The following IRAG2 variants were observed in gnomAD, a reference collection of about 807,000 sequenced individuals.
IRAG2 encodes the protein lymphoid restricted membrane protein.
In IRAG2, 45 loss-of-function variants were observed where a neutral mutation model predicts 69.9. The ratio of observed to expected loss-of-function variants is 0.64; its 90% CI spans 0.51 to 0.83. The LOEUF (loss-of-function observed/expected upper bound fraction) is 0.83. IRAG2 is among the 40% of genes least tolerant of loss of function. The pLI, the probability that IRAG2 is intolerant of heterozygous loss-of-function variation, is 0.00. For missense variants in IRAG2, 520 were observed against 587.0 expected (o/e 0.89, Z 1.18); for synonymous variants, 193 against 202.4 (o/e 0.95, Z 0.40).
chr12:24,999,266 A>G, the IRAG2 span, among the ~76,000 whole-genome samples: 2 of 152,240 alleles, frequency 1.3e-5, no homozygotes, highest in East Asian at 1.9e-4. Context: ...ACTGGTGGTG[A>G]AAATCAAATA....
At chr12:25,017,058 GT>G in intron 5 of IRAG2, 1 of 1,142,730 alleles carries the variant, frequency 8.8e-7, no homozygotes, top group South Asian at 4.6e-5. Flanking sequence ...AGTTTGGTTT[GT>G]TTAACCGTAT....
rs1305815191 is a variant in IRAG2 at position 25,089,675 on chromosome 12, G to A, written c.435G>A (p.Glu145=). Residue 145 remains glutamate, a splice_region_variant and synonymous_variant, in exon 12 of 22, where the codon GAG becomes GAA. Coordinates refer to ENST00000556887, the MANE Select transcript of IRAG2 (RefSeq NM_001366544.2). The stretch of plus-strand genomic sequence containing the variant: ...AATCGGTTAACCTTAGACAAAGTGA[G>A]AAGTAAGTGCTTCTTCATGTAGCAT... ...TVKSVNLRQS[E]NTSANEKEVE... 2 of 1,608,168 alleles carry A rather than the reference G, an allele frequency of 1.2e-6. No homozygotes were observed. Among genetic ancestry groups the A allele is most frequent in the Non-Finnish European group, 1.7e-6 (2 of 1,174,974 alleles).
At chr12:25,106,782 CTGG>C (rs1005245465) in intron 20 of IRAG2, among the ~76,000 whole-genome samples, 158 bp from the exon 21 acceptor site, 1 of 151,478 alleles carries the variant, frequency 6.6e-6, no homozygotes, top group African/African-American at 2.4e-5. Flanking sequence ...AATTATAAAT[CTGG>C]TGATTTGATT....
chr12:25,077,169 C>T (rs1236771411), intron 6 of IRAG2, among the ~76,000 whole-genome samples: 2 of 54,040 alleles, frequency 3.7e-5, no homozygotes, highest in Admixed American at 2.0e-4. Context: ...GTGCCTTGTT[C>T]ATTTCATATA....
At chr12:25,083,830 T>A (rs1947384824) in intron 10 of IRAG2, among the ~76,000 whole-genome samples, 1 of 152,236 alleles carries the variant, frequency 6.6e-6, no homozygotes, top group Non-Finnish European at 1.5e-5. Context: ...AATGAATGCA[T>A]TAATAAATGA....
At chr12:25,014,322 G>A (rs538365810) in intron 3 of IRAG2, among the ~76,000 whole-genome samples, 80 of 152,256 alleles carry the variant, frequency 5.3e-4, no homozygotes, top group African/African-American at 1.8e-3. Context: ...TAGAAATACA[G>A]AAGATAAGAG....
chr12:25,057,099 T>G (rs1266771906), intron 1 of IRAG2, among the ~76,000 whole-genome samples: 1 of 152,148 alleles, frequency 6.6e-6, no homozygotes, highest in Admixed American at 6.5e-5. Context: ...TGTTTTTGTG[T>G]ATTTCTAATA....
chr12:25,052,204 C>CTTTTT (rs10690368), upstream of IRAG2: 13 of 276,838 alleles, frequency 4.7e-5, no homozygotes, highest in Admixed American at 2.1e-4. Context: ...GCGGTTTGGA[C>CTTTTT]TTTTTTTTTT....
At chr12:25,066,650 A>G (rs1184553988) in intron 5 of IRAG2, 138 bp downstream of exon 5, 7 of 393,194 alleles carry the variant, frequency 1.8e-5, no homozygotes, top group Non-Finnish European at 3.1e-5. Flanking sequence ...CTGAAAATTT[A>G]CAATTTCTTT....
intron 15 of IRAG2, among the ~76,000 whole-genome samples, chr12:25,099,797 T>C (rs1320871186): frequency 6.6e-6 from 1 of 151,678 alleles, no homozygotes; most frequent in African/African-American, 2.4e-5. Context: ...GTCAGGAGTT[T>C]GAGACCAGCC....
chr12:25,101,250 G>C lies in IRAG2; in HGVS notation c.814G>C (p.Glu272Gln), dbSNP rs1364042077. ...VENLKRMYAK[E>Q]HAELEELKQV... ...AAACTTGAAGAGGATGTATGCCAAAGAGCACGCTGAATTAGAAGAACTGAA... is the reference window on the plus strand; with the variant it reads ...AAACTTGAAGAGGATGTATGCCAAACAGCACGCTGAATTAGAAGAACTGAA... The change falls in exon 16 of 22, where the codon GAG (glutamate) becomes CAG (glutamine). Residue 272 changes from glutamate (E) to glutamine (Q), a missense_variant. By Grantham distance (29) the Glu-to-Gln change is conservative. Coordinates refer to ENST00000556887, the MANE Select transcript of IRAG2 (RefSeq NM_001366544.2). The C allele has an allele frequency of 6.2e-7, 1 of 1,612,698 alleles. No individual in the cohort carries two copies. The highest frequency in any genetic ancestry group is 1.1e-5 in the South Asian group (1 of 90,938).
intron 9 of IRAG2, among the ~76,000 whole-genome samples, chr12:25,081,989 G>A (rs2140120498): frequency 6.6e-6 from 1 of 152,158 alleles, no homozygotes; most frequent in East Asian, 1.9e-4. Context: ...CAAACTCCTG[G>A]GCTCACATGA....
intron 3 of IRAG2, 69 bp from the exon 4 acceptor site, chr12:25,063,651 G>A (rs1187798707): frequency 5.0e-6 from 2 of 398,322 alleles, no homozygotes; most frequent in African/African-American, 4.1e-5. Context: ...CTTTGAAATG[G>A]AGGTAGTAGA....
intron 11 of IRAG2, chr12:25,032,264 C>A (rs1486759963): frequency 2.5e-6 from 1 of 398,912 alleles, no homozygotes; most frequent in Non-Finnish European, 4.4e-6. Flanking sequence ...AAATTCCCCA[C>A]TAGAGTAACA....
intron 1 of IRAG2, 87 bp from the exon 2 acceptor site, chr12:25,061,505 A>T: frequency 5.0e-6 from 2 of 397,362 alleles, no homozygotes; most frequent in Non-Finnish European, 4.4e-6. Context: ...AATCTGGGCA[A>T]TAGAACCAAA....
intron 15 of IRAG2, among the ~76,000 whole-genome samples, chr12:25,037,730 A>G (rs1944712611): frequency 6.6e-6 from 1 of 152,238 alleles, no homozygotes; most frequent in Non-Finnish European, 1.5e-5. Context: ...GCTCAGTTTT[A>G]GGGACATAAT....
chr12:25,077,326 A>G lies in IRAG2; in HGVS notation c.25-1918A>G, dbSNP rs12579417. 1.2e-4 allele frequency among the ~76,000 whole-genome samples: 5 copies of G among 42,100 alleles called. 2 individuals carry two copies. Among genetic ancestry groups the G allele is most frequent in the Non-Finnish European group, 2.8e-4 (5 of 17,600 alleles). 27.6% of individuals were successfully genotyped at this position (42,100 alleles called of 152,430 possible). A position where few individuals can be genotyped will look rare whatever the true frequency, so the allele number is the denominator to read the frequency against. ...TATATATGATATATATGATATATAT[A>G]TGATATATATATGAAATATATATAT... On this transcript the variant is annotated intron_variant, in intron 6 of 21. Transcript: ENST00000556887.
intron 6 of IRAG2, among the ~76,000 whole-genome samples, chr12:25,072,627 T>A (rs543957510): frequency 1.3e-5 from 2 of 152,242 alleles, no homozygotes; most frequent in Non-Finnish European, 2.9e-5. Flanking sequence ...ACATAATATA[T>A]GTTTATCATC....
intron 1 of IRAG2, among the ~76,000 whole-genome samples, chr12:25,055,646 C>T (rs776922986): frequency 7.9e-5 from 12 of 152,128 alleles, no homozygotes; most frequent in Non-Finnish European, 1.6e-4. Flanking sequence ...TGATGTTCCC[C>T]GTCCTGTGTC....
Sources: gnomAD v4.1 joint callset for allele counts (sites outside exome capture counted in the v4.1 genomes callset) on GRCh38, gnomAD v4.1.1 for gene constraint, MANE v1.5 for transcripts, NCBI Gene and HGNC (gene_info 2026-07-23, HGNC 2026-07-21) for gene names.